The following ARMH3 variants were observed in gnomAD, a reference collection of about 807,000 sequenced individuals.
ARMH3 encodes armadillo-like helical domain-containing protein 3.
A neutral mutation model predicts 99.1 loss-of-function variants in ARMH3; 60 were observed. The observed-to-expected ratio is 0.61, with a 90% CI of 0.49 to 0.75. The LOEUF is 0.75. ARMH3 is among the 30% of genes least tolerant of loss of function. ARMH3 has a pLI of 0.00. For missense variants in ARMH3, 679 were observed against 843.1 expected (o/e 0.81, Z 2.41); for synonymous variants, 285 against 292.8 (o/e 0.97, Z 0.27).
intron 24 of ARMH3, among the ~76,000 whole-genome samples, chr10:101,887,490 A>G (rs1175147701): frequency 6.6e-6 from 1 of 150,846 alleles, no homozygotes; most frequent in Non-Finnish European, 1.5e-5. Context: ...TGCAGCTTCA[A>G]CCTCCCTGGG....
chr10:102,023,829 G>A, intron 6 of ARMH3, 80 bp from the exon 7 acceptor site: 1 of 1,305,358 alleles, frequency 7.7e-7, no homozygotes, highest in Non-Finnish European at 1.1e-6. Context: ...TAACATCTAA[G>A]AGAAACAAAA....
At position 101,862,637 on chromosome 10, in the gene ARMH3, T is replaced by C. The variant is rs577232350; in HGVS notation, c.1861-12745A>G. ...TTAAAGATGTATATTGTAAGCCTTA[T>C]AGCAACCACTAAAAAAAGAAAACGA... On this transcript the variant is annotated intron_variant, in intron 24 of 25. Transcript: ENST00000370033. Among the ~76,000 whole-genome samples, 14 of 151,496 alleles carry C rather than the reference T, an allele frequency of 9.2e-5. No homozygotes were observed. The East Asian group carries it at 9.7e-4, about 10-fold the overall frequency.
intron 23 of ARMH3, among the ~76,000 whole-genome samples, chr10:101,933,414 C>CTG (rs1238032952): frequency 6.6e-6 from 1 of 152,188 alleles, no homozygotes; most frequent in African/African-American, 2.4e-5. Context: ...GACTTCTTTA[C>CTG]CTCACTGCAG....
chr10:101,872,914 C>T (rs2067165545), intron 24 of ARMH3, among the ~76,000 whole-genome samples: 2 of 151,348 alleles, frequency 1.3e-5, no homozygotes, highest in South Asian at 4.2e-4. Context: ...GCCGAGATCA[C>T]GCCACTGCAC....
chr10:101,893,350 G>GT (rs1046496129), intron 23 of ARMH3, among the ~76,000 whole-genome samples: 3 of 151,768 alleles, frequency 2.0e-5, no homozygotes, highest in Admixed American at 1.3e-4. Context: ...TTTGTTTTTT[G>GT]TTTTTTTAAA....
At chr10:101,963,663 G>A (rs548092023) in intron 20 of ARMH3, among the ~76,000 whole-genome samples, 8 of 151,900 alleles carry the variant, frequency 5.3e-5, no homozygotes, top group Non-Finnish European at 8.8e-5. Context: ...GCAACGGCAC[G>A]ATCTCGGCTC....
intron 23 of ARMH3, among the ~76,000 whole-genome samples, chr10:101,910,844 T>C (rs1396534354): frequency 6.8e-6 from 1 of 147,042 alleles, no homozygotes; most frequent in Non-Finnish European, 1.5e-5. Flanking sequence ...TTTTGGTTAA[T>C]AAATGAGAAT....
At chr10:102,040,731 T>C (rs562489305) in intron 1 of ARMH3, among the ~76,000 whole-genome samples, 37 of 152,178 alleles carry the variant, frequency 2.4e-4, no homozygotes, top group African/African-American at 8.7e-4. Flanking sequence ...CTGTAATAGG[T>C]CTGGCCATAT....
At chr10:101,916,866 C>T (rs1041794847) in intron 23 of ARMH3, among the ~76,000 whole-genome samples, 4 of 152,140 alleles carry the variant, frequency 2.6e-5, no homozygotes, top group African/African-American at 7.2e-5. Context: ...TGAGCTGGGA[C>T]GTCCATCTTC....
chr10:101,977,808 C>G (rs950016514), intron 19 of ARMH3, among the ~76,000 whole-genome samples: 1 of 152,196 alleles, frequency 6.6e-6, no homozygotes, highest in African/African-American at 2.4e-5. Flanking sequence ...CCATACAATA[C>G]CTTGCACCAC....
chr10:101,961,187 C>T (rs2135836416), intron 20 of ARMH3, among the ~76,000 whole-genome samples: 1 of 152,314 alleles, frequency 6.6e-6, no homozygotes, highest in Non-Finnish European at 1.5e-5. Flanking sequence ...CTCCCAGAAG[C>T]TTTGCTCAGC....
chr10:102,031,747 C>CT (rs1331452586), intron 4 of ARMH3, among the ~76,000 whole-genome samples: 18 of 149,946 alleles, frequency 1.2e-4, no homozygotes, highest in South Asian at 8.4e-4. Context: ...TCTTCATATT[C>CT]TTTTTTTTTT....
At chr10:101,975,328 G>T (rs373143080) in intron 19 of ARMH3, 28 bp from the exon 20 acceptor site, 3 of 1,566,456 alleles carry the variant, frequency 1.9e-6, no homozygotes, top group Admixed American at 1.7e-5. Flanking sequence ...AAAAATGAGG[G>T]TAAGCCTGAG....
At chr10:101,940,844 T>C (rs1844210945) in intron 22 of ARMH3, among the ~76,000 whole-genome samples, 1 of 152,148 alleles carries the variant, frequency 6.6e-6, no homozygotes, top group Non-Finnish European at 1.5e-5. Flanking sequence ...GAATATATCC[T>C]CTATCAGCTA....
intron 19 of ARMH3, among the ~76,000 whole-genome samples, chr10:101,980,511 C>T (rs1188171861): frequency 2.6e-5 from 4 of 152,104 alleles, no homozygotes; most frequent in Admixed American, 2.6e-4. Flanking sequence ...GTTGGCCAGG[C>T]TGGTCTCAAA....
At chr10:102,015,761 T>C (rs138956240) in intron 8 of ARMH3, among the ~76,000 whole-genome samples, 35 of 152,346 alleles carry the variant, frequency 2.3e-4, no homozygotes, top group Non-Finnish European at 4.3e-4. Context: ...TGCTTATTAA[T>C]TGTGACGAAT....
In ARMH3 at chr10:102,014,033, TAAGAG is replaced by T; in HGVS notation, c.670-14_670-10del. 6.2e-7 allele frequency: 1 copy of T among 1,605,786 alleles called. No homozygotes were observed. The highest frequency in any genetic ancestry group is 2.2e-5 in the East Asian group (1 of 44,796). On this transcript the variant is annotated splice_polypyrimidine_tract_variant and intron_variant, in intron 8 of 25. Coordinates refer to ENST00000370033, the MANE Select transcript of ARMH3 (RefSeq NM_024541.3). ...ATATAAGGATTCACAGACTGTTAAA[TAAGAG>T]AAGAGACTCCAGGTAAGTCTGACCT...
intron 23 of ARMH3, 88 bp from the exon 24 acceptor site, chr10:101,889,578 T>TA (rs1197059775): frequency 2.5e-6 from 3 of 1,191,130 alleles, no homozygotes; most frequent in Non-Finnish European, 3.8e-6. Context: ...CCCTCTGGTT[T>TA]AGAGTACTAG....
chr10:101,939,846 T>C lies in ARMH3; in HGVS notation c.1781+17A>G, dbSNP rs1445586407. On this transcript the variant is annotated intron_variant, in intron 23 of 25. Transcript: ENST00000370033. Reference sequence around the variant, plus strand: ...AAGAGCCAAGGAACTCTGCAAGAGATACTTCTCATTCCTTACCTGATATTA... The same window carrying C: ...AAGAGCCAAGGAACTCTGCAAGAGACACTTCTCATTCCTTACCTGATATTA... The C allele has an allele frequency of 6.2e-7, 1 of 1,608,964 alleles. No homozygotes were observed. The highest frequency in any genetic ancestry group is 8.5e-7 in the Non-Finnish European group (1 of 1,176,404).
Sources: gnomAD v4.1 joint callset for allele counts (sites outside exome capture counted in the v4.1 genomes callset) on GRCh38, gnomAD v4.1.1 for gene constraint, MANE v1.5 for transcripts, NCBI Gene and HGNC (gene_info 2026-07-23, HGNC 2026-07-21) for gene names.